Variants in CSMD1 observed in about 807,000 individuals in gnomAD.
CSMD1 encodes the protein CUB and sushi domain-containing protein 1.
A neutral mutation model predicts 417.5 loss-of-function variants in CSMD1; 213 were observed. That is an observed-to-expected ratio of 0.51 (90% CI 0.46 to 0.57). The LOEUF is 0.57. Ranked by LOEUF, CSMD1 falls within the 20% of genes least tolerant of loss-of-function variation. CSMD1 has a pLI of 0.00. For missense variants in CSMD1, 6,923 were observed against 4,529.7 expected (o/e 1.53, Z -15.17); for synonymous variants, 2,862 against 1,736.8 (o/e 1.65, Z -16.11).
At chr8:4,601,722 C>T (rs1044323626) in intron 2 of CSMD1, among the ~76,000 whole-genome samples, 1 of 152,212 alleles carries the variant, frequency 6.6e-6, no homozygotes, top group African/African-American at 2.4e-5. Flanking sequence ...GGCATTATGA[C>T]TTACAGTGCT....
chr8:3,919,473 A>G (rs1376060696), intron 5 of CSMD1, among the ~76,000 whole-genome samples: 2 of 151,864 alleles, frequency 1.3e-5, no homozygotes, highest in African/African-American at 2.4e-5. Context: ...CTGGCTTTCT[A>G]TTCTGTATTA....
intron 5 of CSMD1, among the ~76,000 whole-genome samples, chr8:3,956,443 C>T (rs1304524657): frequency 6.6e-6 from 1 of 152,096 alleles, no homozygotes; most frequent in Non-Finnish European, 1.5e-5. Context: ...ATGCTGTTGC[C>T]TTGTGATAGC....
At chr8:4,242,177 G>C (rs1419766547) in intron 3 of CSMD1, among the ~76,000 whole-genome samples, 2 of 152,054 alleles carry the variant, frequency 1.3e-5, no homozygotes, top group African/African-American at 2.4e-5. Context: ...TCTCAGAATG[G>C]TATATTAAAA....
intron 57 of CSMD1, 100 bp downstream of exon 57, chr8:2,973,017 T>C: frequency 6.9e-6 from 8 of 1,164,262 alleles, no homozygotes; most frequent in African/African-American, 1.6e-5. Flanking sequence ...GTATAAATAG[T>C]ACAAACCTCT....
intron 2 of CSMD1, among the ~76,000 whole-genome samples, chr8:4,431,048 G>A (rs991935030): frequency 3.4e-4 from 51 of 152,130 alleles, no homozygotes; most frequent in African/African-American, 1.1e-3. Flanking sequence ...AGAATAACTC[G>A]TGGAGTGTCC....
intron 5 of CSMD1, among the ~76,000 whole-genome samples, chr8:3,949,583 A>C (rs1023682015): frequency 1.3e-5 from 2 of 152,184 alleles, no homozygotes; most frequent in East Asian, 1.9e-4. Context: ...TGTGTGGGGG[A>C]AACTAATTGA....
At chr8:4,865,775 C>A (rs1802390235) in intron 1 of CSMD1, among the ~76,000 whole-genome samples, 1 of 151,814 alleles carries the variant, frequency 6.6e-6, no homozygotes, top group Non-Finnish European at 1.5e-5. Flanking sequence ...CCAAACAAAA[C>A]CTCAATCTAT....
intron 1 of CSMD1, among the ~76,000 whole-genome samples, chr8:4,856,901 C>A (rs1801834183): frequency 6.6e-6 from 1 of 152,138 alleles, no homozygotes; most frequent in Non-Finnish European, 1.5e-5. Flanking sequence ...GAACTCAGCT[C>A]TGAACCAAGT....
chr8:3,231,709 C>T (rs879796771), intron 26 of CSMD1, among the ~76,000 whole-genome samples: 1 of 152,116 alleles, frequency 6.6e-6, no homozygotes, highest in African/African-American at 2.4e-5. Context: ...AAAGCTCTAT[C>T]CAATAGTGTC....
At chr8:4,479,585 T>C (rs542006274) in intron 2 of CSMD1, among the ~76,000 whole-genome samples, 2 of 152,120 alleles carry the variant, frequency 1.3e-5, no homozygotes, top group African/African-American at 4.8e-5. Flanking sequence ...CTCTAAAATT[T>C]TAGTTGACTG....
At chr8:4,334,750 C>A (rs1031469711) in intron 3 of CSMD1, among the ~76,000 whole-genome samples, 2 of 152,192 alleles carry the variant, frequency 1.3e-5, no homozygotes, top group Admixed American at 1.3e-4. Context: ...ATACGCTCGA[C>A]TCTACTGTGT....
chr8:4,623,961 T>G (rs976577723), intron 2 of CSMD1, among the ~76,000 whole-genome samples: 1 of 152,050 alleles, frequency 6.6e-6, no homozygotes, highest in African/African-American at 2.4e-5. Flanking sequence ...AATTTAAAAT[T>G]TTCAATATCT....
chr8:3,205,412 C>G (rs1397933757), intron 31 of CSMD1, 92 bp downstream of exon 31: 1 of 663,866 alleles, frequency 1.5e-6, no homozygotes, highest in Non-Finnish European at 2.5e-6. Context: ...AAATATTTCA[C>G]TAAGCTCTAG....
chr8:4,133,071 G>A (rs578037857), intron 3 of CSMD1, among the ~76,000 whole-genome samples: 379 of 152,166 alleles, frequency 2.5e-3, no homozygotes, highest in African/African-American at 8.6e-3. Context: ...GAGTAGTTGG[G>A]ACTACAGGTG....
At chr8:3,552,652 G>C (rs73176984) in intron 10 of CSMD1, among the ~76,000 whole-genome samples, 23,302 of 152,184 alleles carry the variant, frequency 0.15, 1,817 homozygotes, top group Middle Eastern at 0.18. Flanking sequence ...CCTTTCTGTT[G>C]CAAGAGTATT....
chr8:4,093,709 T>C (rs545858436), intron 3 of CSMD1, among the ~76,000 whole-genome samples: 7 of 152,182 alleles, frequency 4.6e-5, no homozygotes, highest in South Asian at 2.1e-4. Flanking sequence ...AACTGTAATT[T>C]CGGCACTTTG....
At chr8:3,123,756 C>T (rs1817342094) in intron 41 of CSMD1, among the ~76,000 whole-genome samples, 1 of 152,174 alleles carries the variant, frequency 6.6e-6, no homozygotes, top group African/African-American at 2.4e-5. Context: ...TACCAGAATA[C>T]AATATTAACA....
At chr8:4,597,383 T>C (rs945321605) in intron 2 of CSMD1, among the ~76,000 whole-genome samples, 5 of 152,190 alleles carry the variant, frequency 3.3e-5, no homozygotes, top group African/African-American at 7.2e-5. Flanking sequence ...GTGAGGTATG[T>C]TGACCTGACC....
intron 5 of CSMD1, among the ~76,000 whole-genome samples, chr8:3,883,831 G>T (rs192797728): frequency 1.3e-5 from 2 of 152,124 alleles, no homozygotes; most frequent in Admixed American, 6.5e-5. Flanking sequence ...TCAGAGGAAT[G>T]AATGCATTTA....
Sources: allele counts gnomAD v4.1 joint callset (sites outside exome capture counted in the v4.1 genomes callset), GRCh38; gene constraint gnomAD v4.1.1; transcripts MANE v1.5; gene names NCBI Gene and HGNC (gene_info 2026-07-23, HGNC 2026-07-21).